The following NSMCE2 variants were observed in gnomAD, a reference collection of about 807,000 sequenced individuals.
NSMCE2 encodes the protein NSE2 SUMO ligase component of SMC5/6 complex.
In NSMCE2, 24 loss-of-function variants were observed where a neutral mutation model predicts 23.8. The observed-to-expected ratio is 1.01, with a 90% CI of 0.73 to 1.42. The LOEUF (loss-of-function observed/expected upper bound fraction) is 1.42. NSMCE2 is among the 40% of genes most tolerant of loss of function. The pLI, the probability that NSMCE2 is intolerant of heterozygous loss-of-function variation, is 0.00. For missense variants in NSMCE2, 284 were observed against 296.5 expected (o/e 0.96, Z 0.31); for synonymous variants, 92 against 94.1 (o/e 0.98, Z 0.13).
intron 3 of NSMCE2, among the ~76,000 whole-genome samples, chr8:125,149,074 C>T (rs1263072108): frequency 6.6e-6 from 1 of 152,146 alleles, no homozygotes; most frequent in Middle Eastern, 3.2e-3. Context: ...AATAGTCTAA[C>T]AATTTTACCT....
At chr8:125,239,515 A>G (rs899718177) in intron 5 of NSMCE2, among the ~76,000 whole-genome samples, 5 of 151,402 alleles carry the variant, frequency 3.3e-5, no homozygotes, top group African/African-American at 9.7e-5. Context: ...TGGTTGAGAC[A>G]TGAGAATTGC....
chr8:125,366,734 AG>A (rs1371471112), intron 7 of NSMCE2, 33 bp from the exon 8 acceptor site: 6 of 1,242,646 alleles, frequency 4.8e-6, no homozygotes, highest in Non-Finnish European at 5.9e-6. Flanking sequence ...AAGGCAGTAA[AG>A]GGGACTGACT....
At chr8:125,118,872 T>C (rs1819142481) in intron 3 of NSMCE2, among the ~76,000 whole-genome samples, 1 of 152,196 alleles carries the variant, frequency 6.6e-6, no homozygotes. Flanking sequence ...AAAATAAAAA[T>C]AAACATTTCA....
At chr8:125,188,871 C>G (rs535499771) in intron 5 of NSMCE2, among the ~76,000 whole-genome samples, 1 of 152,246 alleles carries the variant, frequency 6.6e-6, no homozygotes, top group South Asian at 2.1e-4. Context: ...CCCCCTCATC[C>G]AGATGCAGGT....
chr8:125,224,992 A>C (rs188601791), intron 5 of NSMCE2, among the ~76,000 whole-genome samples: 8 of 152,350 alleles, frequency 5.3e-5, no homozygotes, highest in South Asian at 2.1e-4. Context: ...GTAGGACATT[A>C]GATTTTTTCA....
At chr8:125,157,040 G>A (rs1052924108) in intron 4 of NSMCE2, among the ~76,000 whole-genome samples, 3 of 152,138 alleles carry the variant, frequency 2.0e-5, no homozygotes, top group African/African-American at 7.2e-5. Context: ...TAGGCCACAG[G>A]ATGTAACCTA....
At chr8:125,108,825 G>T (rs1563654608) in intron 3 of NSMCE2, among the ~76,000 whole-genome samples, 1 of 152,184 alleles carries the variant, frequency 6.6e-6, no homozygotes, top group Non-Finnish European at 1.5e-5. Context: ...CCTTTGAGTT[G>T]TTTACAGTCT....
Position 125,151,206 on chromosome 8 carries a change from AT to A in NSMCE2, c.194del (p.Met65ArgfsTer11). 1 of 1,608,904 alleles carries A rather than the reference AT, an allele frequency of 6.2e-7. No individual in the cohort carries two copies. Among genetic ancestry groups the A allele is most frequent in the Non-Finnish European group, 8.5e-7 (1 of 1,175,668 alleles). Reference sequence around the variant, plus strand: ...TAGTGAATATAGTATGGACAAGGCAATGGTTGAATTTGCTACATTGGATCGG... The same window carrying A: ...TAGTGAATATAGTATGGACAAGGCAAGGTTGAATTTGCTACATTGGATCGG... ...VSSEYSMDKA[M>X]VEFATLDRQL... is the part of the protein sequence containing the mutation. On this transcript the variant is annotated frameshift_variant, in exon 4 of 8. Coordinates refer to ENST00000287437, the MANE Select transcript of NSMCE2 (RefSeq NM_173685.4). LOFTEE classifies it high-confidence loss of function.
chr8:125,255,787 T>A (rs1826380383), intron 5 of NSMCE2, among the ~76,000 whole-genome samples: 1 of 152,130 alleles, frequency 6.6e-6, no homozygotes, highest in African/African-American at 2.4e-5. Context: ...CAGGTTTGTG[T>A]TTTAGACAAA....
At position 125,210,945 on chromosome 8, in the gene NSMCE2, C is replaced by G. The variant is rs556513410; in HGVS notation, c.418+28689C>G. ...ATGAGATTTCACCATGTTGGCCAGG[C>G]TGGTCTTGGACCCCTGGCCTCAAGT... On this transcript the variant is annotated intron_variant, in intron 5 of 7. Transcript: ENST00000287437. 4.6e-5 allele frequency among the ~76,000 whole-genome samples: 7 copies of G among 152,120 alleles called. No individual in the cohort carries two copies. The East Asian group carries it at 1.2e-3, about 25-fold the overall frequency.
chr8:125,175,819 T>TTA (rs371891299), intron 4 of NSMCE2, among the ~76,000 whole-genome samples: 10 of 152,344 alleles, frequency 6.6e-5, no homozygotes, highest in African/African-American at 2.4e-4. Context: ...AAGAAATGAG[T>TTA]TATATTATCA....
intron 3 of NSMCE2, among the ~76,000 whole-genome samples, chr8:125,123,767 A>G (rs1819378116): frequency 1.3e-5 from 2 of 152,236 alleles, no homozygotes; most frequent in African/African-American, 4.8e-5. Flanking sequence ...GCAGATAATT[A>G]ATTTAGTATT....
At chr8:125,259,340 C>T (rs1441259063) in intron 5 of NSMCE2, among the ~76,000 whole-genome samples, 1 of 152,120 alleles carries the variant, frequency 6.6e-6, no homozygotes, top group African/African-American at 2.4e-5. Flanking sequence ...AGGAGGTGAG[C>T]AGCCCACAAG....
At chr8:125,267,333 C>A (rs952917808) in intron 5 of NSMCE2, among the ~76,000 whole-genome samples, 2 of 152,068 alleles carry the variant, frequency 1.3e-5, no homozygotes, top group African/African-American at 4.8e-5. Context: ...AATATATGTT[C>A]TCTTTATTGG....
intron 5 of NSMCE2, among the ~76,000 whole-genome samples, chr8:125,256,354 T>C (rs2131029925): frequency 6.6e-6 from 1 of 150,942 alleles, no homozygotes; most frequent in Non-Finnish European, 1.5e-5. Context: ...GATTTCTAAG[T>C]TAGGTGAAAG....
intron 4 of NSMCE2, among the ~76,000 whole-genome samples, chr8:125,172,514 T>C (rs781116849): frequency 5.9e-5 from 9 of 152,122 alleles, no homozygotes; most frequent in Non-Finnish European, 1.2e-4. Flanking sequence ...GCGAAAAATA[T>C]GCTCTCCCCC....
At chr8:125,102,202 A>G (rs902479627) in intron 2 of NSMCE2, 56 bp downstream of exon 2, 58 of 731,958 alleles carry the variant, frequency 7.9e-5, no homozygotes, top group African/African-American at 1.4e-4. Flanking sequence ...ATAGTGTGGC[A>G]TTTATGAGAT....
At chr8:125,148,143 G>A (rs1820793119) in intron 3 of NSMCE2, among the ~76,000 whole-genome samples, 1 of 152,130 alleles carries the variant, frequency 6.6e-6, no homozygotes, top group Admixed American at 6.5e-5. Flanking sequence ...GTCTTTCCTA[G>A]TGTTCTTCAG....
chr8:125,286,487 AT>A (rs1185249195), intron 5 of NSMCE2, among the ~76,000 whole-genome samples: 1 of 151,308 alleles, frequency 6.6e-6, no homozygotes, highest in Non-Finnish European at 1.5e-5. Flanking sequence ...AATTTTTTGT[AT>A]TTTTAGTAGA....
Sources: gnomAD v4.1 joint callset for allele counts (sites outside exome capture counted in the v4.1 genomes callset) on GRCh38, gnomAD v4.1.1 for gene constraint, MANE v1.5 for transcripts, NCBI Gene and HGNC (gene_info 2026-07-23, HGNC 2026-07-21) for gene names.